The following LGSN variants were observed in gnomAD, a reference collection of about 807,000 sequenced individuals.
LGSN encodes the protein lengsin, lens protein with glutamine synthetase domain.
LGSN carries 21 observed loss-of-function variants against 19.5 expected under a neutral mutation model. That is an observed-to-expected ratio of 1.07 (90% CI 0.76 to 1.55). The LOEUF is 1.55. LGSN is among the 40% of genes most tolerant of loss of function. The pLI, the probability that LGSN is intolerant of heterozygous loss-of-function variation, is 0.00. For synonymous variants in LGSN, 257 were observed against 215.6 expected (o/e 1.19, Z -1.68); for missense variants, 673 against 608.5 (o/e 1.11, Z -1.12).
intron 3 of LGSN, among the ~76,000 whole-genome samples, chr6:63,283,073 C>T (rs73432867): frequency 0.014 from 2,090 of 152,176 alleles, 57 homozygotes; most frequent in African/African-American, 0.048. Flanking sequence ...TCCAATAGTC[C>T]TATATGAACT....
At chr6:63,342,044 A>G in the LGSN span, among the ~76,000 whole-genome samples, 2 of 152,200 alleles carry the variant, frequency 1.3e-5, no homozygotes, top group South Asian at 4.1e-4. Flanking sequence ...CAGGGGTAAA[A>G]GTAGTGATGG....
the LGSN span, among the ~76,000 whole-genome samples, chr6:63,412,099 G>C: frequency 6.6e-6 from 1 of 152,076 alleles, no homozygotes; most frequent in Non-Finnish European, 1.5e-5. Flanking sequence ...GGGCAAAGTG[G>C]CTTACGCCTG....
At chr6:63,338,441 G>C in the LGSN span, among the ~76,000 whole-genome samples, 1 of 152,030 alleles carries the variant, frequency 6.6e-6, no homozygotes, top group Non-Finnish European at 1.5e-5. Flanking sequence ...GGTTATATAT[G>C]TTCAGGAATT....
At chr6:63,506,913 C>T in the LGSN span, among the ~76,000 whole-genome samples, 4 of 152,222 alleles carry the variant, frequency 2.6e-5, no homozygotes, top group South Asian at 2.1e-4. Flanking sequence ...CAAAAGTTCA[C>T]GTGACACTAT....
the LGSN span, among the ~76,000 whole-genome samples, chr6:63,530,947 G>A: frequency 1.3e-5 from 2 of 152,080 alleles, no homozygotes; most frequent in Non-Finnish European, 2.9e-5. Flanking sequence ...TTAGAAAAAT[G>A]AGCACTATTT....
At chr6:63,551,195 A>G in the LGSN span, among the ~76,000 whole-genome samples, 1 of 152,052 alleles carries the variant, frequency 6.6e-6, no homozygotes, top group East Asian at 1.9e-4. Flanking sequence ...CCTCCCAAAT[A>G]GCTGGGACTA....
the LGSN span, among the ~76,000 whole-genome samples, chr6:63,506,511 C>T: frequency 6.6e-6 from 1 of 152,076 alleles, no homozygotes; most frequent in Admixed American, 6.5e-5. Flanking sequence ...GATCCACCCT[C>T]CTTGGCCTCC....
the LGSN span, among the ~76,000 whole-genome samples, chr6:63,563,442 T>G: frequency 1.3e-5 from 2 of 152,296 alleles, no homozygotes; most frequent in East Asian, 3.9e-4. Context: ...CTCCCCCTCT[T>G]TTTGTGATTC....
chr6:63,434,656 G>T, the LGSN span, among the ~76,000 whole-genome samples: 1 of 147,800 alleles, frequency 6.8e-6, no homozygotes, highest in Non-Finnish European at 1.5e-5. Context: ...ACCTTTAGCA[G>T]AGAGACAAAA....
At chr6:63,481,811 C>G in the LGSN span, 1 of 311,670 alleles carries the variant, frequency 3.2e-6, no homozygotes. Flanking sequence ...AACAGATATG[C>G]GGGAGGAGCA....
At chr6:63,296,296 A>C (rs1767974014) in intron 1 of LGSN, among the ~76,000 whole-genome samples, 1 of 151,710 alleles carries the variant, frequency 6.6e-6, no homozygotes, top group Admixed American at 6.6e-5. Context: ...ATGATACTTA[A>C]TATATAATAA....
At chr6:63,364,974 G>C in the LGSN span, among the ~76,000 whole-genome samples, 2 of 152,258 alleles carry the variant, frequency 1.3e-5, no homozygotes, top group Admixed American at 6.5e-5. Context: ...ATGCCCACAA[G>C]AGAAAGCAGG....
At chr6:63,408,085 A>G in the LGSN span, among the ~76,000 whole-genome samples, 3 of 152,326 alleles carry the variant, frequency 2.0e-5, no homozygotes, top group South Asian at 2.1e-4. Context: ...AATCAATATC[A>G]TGAAAATGGC....
the LGSN span, among the ~76,000 whole-genome samples, chr6:63,362,917 C>T: frequency 0.13 from 19,842 of 150,708 alleles, 2,850 homozygotes; most frequent in African/African-American, 0.36. Flanking sequence ...GTCCCTGACC[C>T]GAGTAGCCTA....
the LGSN span, among the ~76,000 whole-genome samples, chr6:63,412,525 A>AGAAAGAAGGAAG: frequency 1.2e-5 from 1 of 84,226 alleles, no homozygotes; most frequent in Non-Finnish European, 2.4e-5. Context: ...AAAGAAAGAA[A>AGAAAGAAGGAAG]GAAGGAAAGA....
Position 63,281,439 on chromosome 6 carries a change from T to C in LGSN, c.331-219A>G, listed in dbSNP as rs553966746. Among the ~76,000 whole-genome samples the C allele has an allele frequency of 5.3e-5, 8 of 150,088 alleles. No individual in the cohort carries two copies. The East Asian group carries it at 1.6e-3, about 29-fold the overall frequency. On this transcript the variant is annotated intron_variant, in intron 3 of 3. Transcript: ENST00000370657. ...CCCCCAAAGGCAACTTTATAAACAA[T>C]GCATTGTTTTAAGCCTTGAAGGCCT...
chr6:63,525,879 G>A, the LGSN span, among the ~76,000 whole-genome samples: 1 of 152,286 alleles, frequency 6.6e-6, no homozygotes, highest in African/African-American at 2.4e-5. Flanking sequence ...TGATACAAAT[G>A]TTAATATTTG....
At chr6:63,413,325 T>C in the LGSN span, among the ~76,000 whole-genome samples, 1 of 152,174 alleles carries the variant, frequency 6.6e-6, no homozygotes, top group African/African-American at 2.4e-5. Context: ...ATAGTTATAT[T>C]CTTTTCCTAA....
chr6:63,504,454 C>T, the LGSN span, among the ~76,000 whole-genome samples: 1 of 152,154 alleles, frequency 6.6e-6, no homozygotes, highest in African/African-American at 2.4e-5. Flanking sequence ...GTTAGCCAGG[C>T]TGGTCTCGAA....
Sources: allele counts gnomAD v4.1 joint callset (sites outside exome capture counted in the v4.1 genomes callset), GRCh38; gene constraint gnomAD v4.1.1; transcripts MANE v1.5; gene names NCBI Gene and HGNC (gene_info 2026-07-23, HGNC 2026-07-21).